Variants in MAGI2 observed in about 807,000 individuals in gnomAD.
MAGI2 encodes the protein membrane-associated guanylate kinase, WW and PDZ domain-containing protein 2.
Under a neutral mutation model 133.3 loss-of-function variants are expected in MAGI2, and 35 were observed. The ratio of observed to expected loss-of-function variants is 0.26; its 90% CI spans 0.20 to 0.35. The LOEUF (loss-of-function observed/expected upper bound fraction) is 0.35, where lower values mean the gene tolerates loss of function less well. Ranked by LOEUF, MAGI2 falls within the 10% of genes least tolerant of loss-of-function variation. The pLI is 1.00. For missense variants in MAGI2, 1,636 were observed against 1,863.4 expected (o/e 0.88, Z 2.25); for synonymous variants, 729 against 710.6 (o/e 1.03, Z -0.41).
At chr7:79,235,191 C>G (rs1196870255) in intron 1 of MAGI2, among the ~76,000 whole-genome samples, 1 of 152,164 alleles carries the variant, frequency 6.6e-6, no homozygotes, top group Non-Finnish European at 1.5e-5. Context: ...CCACTGCTCT[C>G]TTCAAAGCTG....
rs549548344 is a variant in MAGI2, at chr7:78,598,509, C to T, written c.538+28611G>A. Among the ~76,000 whole-genome samples, 145 of 152,220 alleles carry T rather than the reference C, an allele frequency of 9.5e-4. 1 individual carries two copies. The Middle Eastern group carries it at 0.02, about 21-fold the overall frequency. The stretch of plus-strand genomic sequence containing the variant: ...AAAGAAGTGACACTACAGAGACAGA[C>T]AGCCAAGGAAACTCTTAAGAACTTT... On this transcript the variant is annotated intron_variant, in intron 3 of 21. Transcript: ENST00000354212.
intron 6 of MAGI2, chr7:78,486,103 C>T (rs1792974641): frequency 6.6e-6 from 1 of 151,978 alleles, no homozygotes; most frequent in African/African-American, 2.4e-5. Flanking sequence ...GGAAGAAGGC[C>T]GCTGCTGGAC....
rs566011194 is a variant in MAGI2, at chr7:78,576,919, T to C, written c.538+50201A>G. ...TTCAAGACCAGTCTGGCCAATATAG[T>C]TAAGCCCTGTCTCTACTAAAACAAA... On this transcript the variant is annotated intron_variant, in intron 3 of 21. Transcript: ENST00000354212. Among the ~76,000 whole-genome samples the C allele has an allele frequency of 6.0e-4, 92 of 152,232 alleles. 1 individual carries two copies. In the South Asian group the frequency reaches 0.019, roughly 31 times the overall value.
intron 1 of MAGI2, among the ~76,000 whole-genome samples, chr7:79,029,864 A>G (rs1404299884): frequency 6.6e-6 from 1 of 152,184 alleles, no homozygotes; most frequent in Non-Finnish European, 1.5e-5. Context: ...TGTAATGTTT[A>G]CTCTGGTCTC....
chr7:78,441,724 T>G (rs1787655233), intron 6 of MAGI2, among the ~76,000 whole-genome samples: 1 of 151,668 alleles, frequency 6.6e-6, no homozygotes, highest in Admixed American at 6.6e-5. Flanking sequence ...GACCAAAGCA[T>G]CCCACCTACA....
intron 2 of MAGI2, among the ~76,000 whole-genome samples, chr7:78,707,279 TTA>T (rs1365903057): frequency 2.0e-5 from 3 of 152,272 alleles, no homozygotes; most frequent in African/African-American, 7.2e-5. Flanking sequence ...TTTTTAAAAA[TTA>T]TATACCAAAT....
chr7:78,712,466 A>T (rs1349767034), intron 2 of MAGI2, among the ~76,000 whole-genome samples: 1 of 152,190 alleles, frequency 6.6e-6, no homozygotes, highest in Non-Finnish European at 1.5e-5. Context: ...AATCTAACAC[A>T]AGAAGGCGTT....
In MAGI2 at chr7:78,354,497, G is replaced by A. The variant is rs899329310; in HGVS notation, c.1104-8454C>T. On this transcript the variant is annotated intron_variant, in intron 7 of 21. Transcript: ENST00000354212. Reference sequence around the variant, plus strand: ...TTATCCAGGAAGGAGGGAATCAGGAGAAGAATGCTAGTGAGGGGAAATTGA... The same window carrying A: ...TTATCCAGGAAGGAGGGAATCAGGAAAAGAATGCTAGTGAGGGGAAATTGA... 3.3e-5 allele frequency among the ~76,000 whole-genome samples: 5 copies of A among 152,174 alleles called. No homozygotes were observed. In the South Asian group the frequency reaches 6.2e-4, roughly 19 times the overall value.
At chr7:79,013,062 A>G (rs1808334069) in intron 1 of MAGI2, among the ~76,000 whole-genome samples, 1 of 152,192 alleles carries the variant, frequency 6.6e-6, no homozygotes, top group Admixed American at 6.5e-5. Flanking sequence ...TTGGACAAAC[A>G]TTCAGTCCAA....
At chr7:79,002,076 T>C (rs1185886539) in intron 2 of MAGI2, among the ~76,000 whole-genome samples, 2 of 152,076 alleles carry the variant, frequency 1.3e-5, no homozygotes, top group East Asian at 3.9e-4. Flanking sequence ...AAAAATCTTA[T>C]ATAGCCTGAA....
At chr7:78,670,641 C>T (rs4591960) in intron 2 of MAGI2, among the ~76,000 whole-genome samples, 2,360 of 152,088 alleles carry the variant, frequency 0.016, 68 homozygotes, top group African/African-American at 0.053. Context: ...AGAACAAAGC[C>T]GGAGGCATCA....
At chr7:79,296,358 A>G (rs1248330876) in intron 1 of MAGI2, among the ~76,000 whole-genome samples, 1 of 152,210 alleles carries the variant, frequency 6.6e-6, no homozygotes, top group Non-Finnish European at 1.5e-5. Flanking sequence ...AAATGAAATC[A>G]GTTGTGTTGA....
At chr7:78,503,796 C>T (rs759952969) in intron 4 of MAGI2, among the ~76,000 whole-genome samples, 3 of 150,824 alleles carry the variant, frequency 2.0e-5, no homozygotes, top group Admixed American at 1.3e-4. Flanking sequence ...TAAGGTGGGC[C>T]GTTATGATTG....
intron 6 of MAGI2, among the ~76,000 whole-genome samples, chr7:78,387,698 G>A (rs539084485): frequency 1.3e-4 from 20 of 152,076 alleles, no homozygotes; most frequent in Non-Finnish European, 2.5e-4. Context: ...AGGCTGAGGC[G>A]GGCAGATTGC....
rs907601016 is a variant in MAGI2, at chr7:79,368,181, T to C, written c.301+84839A>G. 2.6e-5 allele frequency among the ~76,000 whole-genome samples: 4 copies of C among 152,050 alleles called. No homozygotes were observed. The East Asian group carries it at 7.8e-4, about 30-fold the overall frequency. ...GAGTCCTTTTCATCATAATCAACTA[T>C]TGAATGGCTAAATTGTGCATCTAGG... On this transcript the variant is annotated intron_variant, in intron 1 of 21. Coordinates refer to ENST00000354212, the MANE Select transcript of MAGI2 (RefSeq NM_012301.4).
rs142592975 is a variant in MAGI2 at position 78,795,679 on chromosome 7, G to T, written c.419-168440C>A. On this transcript the variant is annotated intron_variant, in intron 2 of 21. Transcript: ENST00000354212. ...TAAAATTCGTACGGAATCACAAAAG[G>T]CTCCAAATAGGCAAAGGAATTCTGA... 9.3e-3 allele frequency among the ~76,000 whole-genome samples: 1,413 copies of T among 151,892 alleles called. 28 individuals carry two copies. The highest frequency in any genetic ancestry group is 0.032 in the African/African-American group (1,324 of 41,452).
intron 3 of MAGI2, among the ~76,000 whole-genome samples, chr7:78,525,003 C>A (rs1031392545): frequency 4.6e-5 from 7 of 151,736 alleles, no homozygotes; most frequent in African/African-American, 1.7e-4. Context: ...AGTAAAAAAA[C>A]CTTTTACTAA....
intron 1 of MAGI2, among the ~76,000 whole-genome samples, chr7:79,229,829 AC>A (rs1831201128): frequency 6.6e-6 from 1 of 151,416 alleles, no homozygotes; most frequent in African/African-American, 2.4e-5. Context: ...GTTTTAGGGT[AC>A]ATGTGCACAT....
intron 1 of MAGI2, among the ~76,000 whole-genome samples, chr7:79,204,248 G>C (rs1458766776): frequency 6.6e-6 from 1 of 152,094 alleles, no homozygotes; most frequent in Non-Finnish European, 1.5e-5. Flanking sequence ...GGATCACACT[G>C]TTCCAGGCTT....
Sources: gnomAD v4.1 joint callset for allele counts (sites outside exome capture counted in the v4.1 genomes callset) on GRCh38, gnomAD v4.1.1 for gene constraint, MANE v1.5 for transcripts, NCBI Gene and HGNC (gene_info 2026-07-23, HGNC 2026-07-21) for gene names.